Variants in CETP observed in about 807,000 individuals in gnomAD.
CETP encodes cholesteryl ester transfer protein, also known as BPI fold containing family F.
In CETP, 56 loss-of-function variants were observed where a neutral mutation model predicts 66.5. The ratio of observed to expected loss-of-function variants is 0.84; its 90% confidence interval spans 0.68 to 1.05. The LOEUF (loss-of-function observed/expected upper bound fraction) is 1.05, where lower values mean the gene tolerates loss of function less well. CETP is among the 50% of genes least tolerant of loss of function. CETP has a pLI of 0.00. For synonymous variants in CETP, 251 were observed against 245.7 expected (o/e 1.02, Z -0.20); for missense variants, 612 against 609.6 (o/e 1.00, Z -0.04).
At chr16:56,981,731 C>A (rs775453312) in intron 13 of CETP, 51 bp downstream of exon 13, 2 of 1,594,368 alleles carry the variant, frequency 1.3e-6, no homozygotes, top group Non-Finnish European at 1.7e-6. Context: ...GGACCTCCTG[C>A]CTTAAAGAAA....
chr16:56,978,262 C>T lies in CETP; in HGVS notation c.1146+7C>T, dbSNP rs182237338. The T allele has an allele frequency of 1.4e-3, 2,229 of 1,614,022 alleles. 3 individuals carry two copies. The highest frequency in any genetic ancestry group is 3.4e-3 in the Admixed American group (206 of 60,010). On this transcript the variant is annotated splice_region_variant and intron_variant, in intron 11 of 15. Transcript: ENST00000200676. ...AGCTTACACATTTGAAGAGGTGAGGCGGGTGCAGGGAGAGGTGGTGGTGGG... is the reference window on the plus strand; with the variant it reads ...AGCTTACACATTTGAAGAGGTGAGGTGGGTGCAGGGAGAGGTGGTGGTGGG...
chr16:56,969,705 G>A, intron 4 of CETP, 24 bp downstream of exon 4: 1 of 1,612,616 alleles, frequency 6.2e-7, no homozygotes, highest in East Asian at 2.2e-5. Flanking sequence ...GTCCTCTGGG[G>A]AAGTGGGAGC....
At chr16:56,970,970 A>C in intron 5 of CETP, 63 bp from the exon 6 acceptor site, 1 of 1,494,680 alleles carries the variant, frequency 6.7e-7, no homozygotes, top group Non-Finnish European at 9.3e-7. Flanking sequence ...CCTGGTACAC[A>C]CTAGGCGCTC....
At chr16:56,972,565 C>T (rs538356381) in intron 8 of CETP, among the ~76,000 whole-genome samples, 4 of 152,350 alleles carry the variant, frequency 2.6e-5, no homozygotes, top group East Asian at 3.9e-4. Context: ...GTGTCAGGCA[C>T]GCAGGCCCCT....
At chr16:56,978,669 A>T (rs1312217804) in intron 11 of CETP, among the ~76,000 whole-genome samples, 1 of 151,912 alleles carries the variant, frequency 6.6e-6, no homozygotes, top group African/African-American at 2.4e-5. Flanking sequence ...AAATTTCCTT[A>T]GAGGCGGGGT....
At chr16:56,962,258 C>T in intron 1 of CETP, 161 bp downstream of exon 1, 2 of 754,124 alleles carry the variant, frequency 2.7e-6, no homozygotes, top group Non-Finnish European at 4.8e-6. Flanking sequence ...GAGCTGTCAT[C>T]ACCCCCTCCT....
intron 11 of CETP, among the ~76,000 whole-genome samples, chr16:56,980,379 C>T (rs2056179218): frequency 6.6e-6 from 1 of 152,122 alleles, no homozygotes; most frequent in Non-Finnish European, 1.5e-5. Context: ...GCCACATTGC[C>T]CAAGCTGGTC....
At position 56,969,701 on chromosome 16, in the gene CETP, T is replaced by C. The variant is rs570369308; in HGVS notation, c.439+20T>C. 2.5e-6 allele frequency: 4 copies of C among 1,612,830 alleles called. No homozygotes were observed. In the South Asian group the frequency reaches 3.3e-5, roughly 13 times the overall value. The stretch of plus-strand genomic sequence containing the variant: ...AGCTGAGTATGTGTCAAGCGTCCTC[T>C]GGGGAAGTGGGAGCTGGACTCCAGG... On this transcript the variant is annotated intron_variant, in intron 4 of 15. Transcript: ENST00000200676.
chr16:56,977,174 G>A (rs1021959274), intron 10 of CETP, among the ~76,000 whole-genome samples: 1 of 152,132 alleles, frequency 6.6e-6, no homozygotes, highest in Non-Finnish European at 1.5e-5. Flanking sequence ...GCCTCCCAAA[G>A]TGCCGGGATT....
intron 9 of CETP, 113 bp from the exon 10 acceptor site, chr16:56,974,988 G>T: frequency 2.3e-6 from 2 of 883,480 alleles, no homozygotes; most frequent in South Asian, 2.7e-5. Flanking sequence ...GAGGTTGGGA[G>T]TTGCGTCTGA....
chr16:56,963,229 T>C lies in CETP; in HGVS notation c.233+105T>C, dbSNP rs1008993560. The C allele has an allele frequency of 5.0e-5, 42 of 845,542 alleles. No individual in the cohort carries two copies. In the South Asian group the frequency reaches 5.7e-4, roughly 12 times the overall value. The allele number at this position is 845,542 out of a possible 1,614,324, so 52.4% of individuals were successfully genotyped here. On this transcript the variant is annotated intron_variant, in intron 2 of 15. Transcript: ENST00000200676. ...GGAGGAAAGGCAGCAGCTGGGGGAC[T>C]CAGGTCTCTCCCCTTGATTTGGAAC...
At chr16:56,975,179 T>A in intron 10 of CETP, 28 bp downstream of exon 10, 1 of 1,609,078 alleles carries the variant, frequency 6.2e-7, no homozygotes, top group Non-Finnish European at 8.5e-7. Flanking sequence ...CTGTGTGGGG[T>A]TTATCTCACG....
At chr16:56,980,230 C>T (rs954464492) in intron 11 of CETP, among the ~76,000 whole-genome samples, 4 of 152,050 alleles carry the variant, frequency 2.6e-5, no homozygotes, top group Non-Finnish European at 5.9e-5. Flanking sequence ...TGTATTTAGC[C>T]GTTCTTTTTT....
chr16:56,977,995 C>T, intron 10 of CETP, 96 bp from the exon 11 acceptor site: 1 of 1,495,780 alleles, frequency 6.7e-7, no homozygotes, highest in Non-Finnish European at 9.1e-7. Context: ...AGCCCTGGGG[C>T]CCGGAGCCAG....
At chr16:56,962,981 A>G in intron 1 of CETP, 29 bp from the exon 2 acceptor site, 1 of 1,594,194 alleles carries the variant, frequency 6.3e-7, no homozygotes, top group Non-Finnish European at 8.6e-7. Context: ...GTGGGCCTGC[A>G]GCCCCTCATC....
intron 2 of CETP, among the ~76,000 whole-genome samples, chr16:56,969,025 A>G (rs542317101): frequency 6.6e-6 from 1 of 152,046 alleles, no homozygotes; most frequent in South Asian, 2.1e-4. Flanking sequence ...TCAGCACACC[A>G]GGGTTGACTC....
At position 56,969,624 on chromosome 16, in the gene CETP, C is replaced by T. The variant is rs781363517; in HGVS notation, c.382C>T (p.Gln128Ter). 2.5e-6 allele frequency: 4 copies of T among 1,614,180 alleles called. No individual in the cohort carries two copies. Among genetic ancestry groups the T allele is most frequent in the South Asian group, 2.2e-5 (2 of 91,060 alleles). Residue 128 changes from glutamine to a stop codon, truncating the protein, a stop_gained, in exon 4 of 16, where the codon CAG becomes TAG. Transcript: ENST00000200676. LOFTEE classifies it high-confidence loss of function. ...GGCTCTTTCCAGGCTGGGTATTGAT[C>T]AGTCCATTGACTTCGAGATCGACTC... ...YTTAWWLGID[Q>*]SIDFEIDSAI...
intron 1 of CETP, chr16:56,962,497 C>T (rs894334078): frequency 1.2e-5 from 5 of 425,234 alleles, no homozygotes; most frequent in South Asian, 7.1e-5. Flanking sequence ...GCCATGAGCT[C>T]AGGTGACGGA....
At chr16:56,970,918 C>T (rs2056104935) in intron 5 of CETP, 115 bp from the exon 6 acceptor site, 6 of 938,782 alleles carry the variant, frequency 6.4e-6, no homozygotes, top group South Asian at 1.3e-5. Flanking sequence ...ATTCTTACTT[C>T]CTGAGCTACA....
Sources: allele counts gnomAD v4.1 joint callset (sites outside exome capture counted in the v4.1 genomes callset), GRCh38; gene constraint gnomAD v4.1.1; transcripts MANE v1.5; gene names NCBI Gene and HGNC (gene_info 2026-07-23, HGNC 2026-07-21).